The following H6PD variants were observed in gnomAD, a reference collection of about 807,000 sequenced individuals.
The protein encoded by H6PD is hexose-6-phosphate dehydrogenase/glucose 1-dehydrogenase, also known as GDH/6PGL endoplasmic bifunctional protein.
Under a neutral mutation model 61.2 loss-of-function variants are expected in H6PD, and 48 were observed. The ratio of observed to expected loss-of-function variants is 0.78; its 90% confidence interval spans 0.62 to 1.00. The LOEUF is 1.00. Ranked by LOEUF, H6PD falls within the 50% of genes least tolerant of loss-of-function variation. The pLI is 0.00. For missense variants in H6PD, 1,093 were observed against 1,065.0 expected, an observed-to-expected ratio of 1.03 and a Z score of -0.37; for synonymous variants, 480 against 457.9, an observed-to-expected ratio of 1.05 and a Z score of -0.62.
chr1:9,268,899 C>T lies in H6PD; in HGVS notation c.*4030C>T, dbSNP rs542800187. ...AGACGCTTCCCAAAAACCTGCAGGG[C>T]TATTTCCCAGAATTTGGTTTTCAAG... On this transcript the variant is annotated 3_prime_UTR_variant, in exon 5 of 5. Transcript: ENST00000377403. 3.3e-5 allele frequency: 5 copies of T among 152,342 alleles called. No individual in the cohort carries two copies. The East Asian group carries it at 9.6e-4, about 29-fold the overall frequency. The allele number at this position is 152,342 out of a possible 1,614,324, so 9.4% of individuals were successfully genotyped here.
Position 9,263,851 on chromosome 1 carries a change from G to A in H6PD, c.1358G>A (p.Arg453Gln), listed in dbSNP as rs6688832. The A allele has an allele frequency of 0.25, 409,625 of 1,613,468 alleles. 55,605 individuals carry two copies. The highest frequency in any genetic ancestry group is 0.47 in the East Asian group (20,977 of 44,854). Reference protein sequence around the residue: ...LSDYYAYSPVRERDAHSVLLS... With the variant: ...LSDYYAYSPVQERDAHSVLLS... The stretch of plus-strand genomic sequence containing the variant: ...GATTACTACGCCTACAGCCCTGTGC[G>A]GGAGCGGGACGCCCACTCCGTCCTC... The change falls in exon 5 of 5, where the codon CGG becomes CAG. Residue 453 changes from arginine to glutamine, a missense_variant. Transcript: ENST00000377403.
At position 9,262,269 on chromosome 1, in the gene H6PD, A is replaced by G. The variant is rs1362656735; in HGVS notation, c.956A>G (p.Gln319Arg). 2.5e-6 allele frequency: 4 copies of G among 1,610,988 alleles called. No homozygotes were observed. Among genetic ancestry groups the G allele is most frequent in the Middle Eastern group, 1.7e-4 (1 of 6,020 alleles). ...GGCCAGTACCAGTCTTACAGTGAGC[A>G]GGTGCGCAGAGAGCTGCAGAAGCCA... is the stretch of plus-strand genomic sequence containing the variant. ...VVGQYQSYSE[Q>R]VRRELQKPDS... is the part of the protein sequence containing the mutation. Residue 319 changes from glutamine (Q) to arginine (R), a missense_variant, in exon 4 of 5, where the codon CAG becomes CGG. Gln to Arg is a conservative substitution (Grantham distance 43). Coordinates refer to ENST00000377403, the MANE Select transcript of H6PD (RefSeq NM_004285.4).
chr1:9,252,509 T>A (rs977151553), intron 3 of H6PD, among the ~76,000 whole-genome samples: 1 of 152,194 alleles, frequency 6.6e-6, no homozygotes, highest in African/African-American at 2.4e-5. Context: ...TAGCTGAGAC[T>A]ACAGGAGTGC....
intron 4 of H6PD, among the ~76,000 whole-genome samples, 188 bp from the exon 5 acceptor site, chr1:9,263,321 C>T (rs989665459): frequency 1.3e-5 from 2 of 152,200 alleles, no homozygotes; most frequent in East Asian, 3.9e-4. Context: ...CCCCAGAGGC[C>T]GGTTTTCAAG....
Position 9,245,280 on chromosome 1 carries a change from G to T in H6PD, c.346G>T (p.Asp116Tyr), listed in dbSNP as rs1346484610. ...GTACCGCCAACTGAAGACGGCCGAG[G>T]ACTATCAGGCCCTGAACAAGGACAT... ...SQYRQLKTAEDYQALNKDIEA... is the reference protein window; with the variant it reads ...SQYRQLKTAEYYQALNKDIEA... The change falls in exon 2 of 5, where the codon GAC becomes TAC. Residue 116 changes from aspartate (D) to tyrosine (Y), a missense_variant. Physicochemically the swap from Asp to Tyr is radical, Grantham distance 160 (BLOSUM62 -3). Transcript: ENST00000377403. The surrounding 1 kb of genome is among the most constrained non-coding windows in gnomAD (Gnocchi z 4.8). 6.2e-7 allele frequency: 1 copy of T among 1,614,226 alleles called. No homozygotes were observed. The highest frequency in any genetic ancestry group is 1.7e-5 in the Admixed American group (1 of 60,034).
intron 1 of H6PD, among the ~76,000 whole-genome samples, chr1:9,235,438 C>T (rs1256689552): frequency 1.3e-5 from 2 of 152,080 alleles, no homozygotes; most frequent in South Asian, 2.1e-4. Flanking sequence ...AATCAGCTCA[C>T]CCAACCTTGA....
chr1:9,240,191 G>A (rs760625005), intron 1 of H6PD, among the ~76,000 whole-genome samples: 2 of 152,068 alleles, frequency 1.3e-5, no homozygotes, highest in Non-Finnish European at 2.9e-5. Flanking sequence ...ATTTTGTTTC[G>A]TAGTGAGTGT....
intron 3 of H6PD, among the ~76,000 whole-genome samples, chr1:9,250,481 C>T (rs1641326979): frequency 6.6e-6 from 1 of 150,422 alleles, no homozygotes; most frequent in East Asian, 2.0e-4. Context: ...GGCCATTCTC[C>T]CCCACTCCCC....
intron 3 of H6PD, among the ~76,000 whole-genome samples, 163 bp downstream of exon 3, chr1:9,247,246 G>T (rs1052603315): frequency 0.019 from 1 of 54 alleles, no homozygotes; most frequent in Admixed American, 0.5. Flanking sequence ...CCAGGGTGCC[G>T]GCTGCAAAGC....
chr1:9,251,436 CTGTTGTTGTTGTTGTTGTTGT>C (rs58988268), intron 3 of H6PD, among the ~76,000 whole-genome samples: 2 of 151,136 alleles, frequency 1.3e-5, no homozygotes, highest in Non-Finnish European at 3.0e-5. Context: ...AGAAGGCCTG[CTGTTGTTGTTGTTGTTGTTGT>C]TGTTGTTGTT....
chr1:9,234,850 C>G lies in H6PD; in HGVS notation c.-227C>G, dbSNP rs988427310. The stretch of plus-strand genomic sequence containing the variant: ...GGGTGGCGGCCGGGCTGGCCTTGGC[C>G]TCGCGCCTTCCCCTGCGGCCGCCGC... On this transcript the variant is annotated 5_prime_UTR_variant, in exon 1 of 5. Coordinates refer to ENST00000377403, the MANE Select transcript of H6PD (RefSeq NM_004285.4). 2.7e-3 allele frequency: 403 copies of G among 147,948 alleles called. 1 individual carries two copies. Among genetic ancestry groups the G allele is most frequent in the Non-Finnish European group, 4.2e-3 (278 of 66,418 alleles). 9.2% of individuals were successfully genotyped at this position (147,948 alleles called of 1,614,324 possible).
chr1:9,247,103 C>T lies in H6PD; in HGVS notation c.745+20C>T. 6.8e-7 allele frequency: 1 copy of T among 1,474,990 alleles called. No homozygotes were observed. The highest frequency in any genetic ancestry group is 9.5e-7 in the Non-Finnish European group (1 of 1,052,572). The allele number at this position is 1,474,990 out of a possible 1,614,324, so 91.4% of individuals were successfully genotyped here. The stretch of plus-strand genomic sequence containing the variant: ...CTGAAGGTGTGTGAGTGGCCCTGCG[C>T]ACTCGGTCCCCCAGCCTCTGCCTGC... On this transcript the variant is annotated intron_variant, in intron 3 of 4. Transcript: ENST00000377403.
At position 9,261,338 on chromosome 1, in the gene H6PD, A is replaced by T. The variant is rs78937488; in HGVS notation, c.746-721A>T. Among the ~76,000 whole-genome samples, 409 of 151,326 alleles carry T rather than the reference A, an allele frequency of 2.7e-3. 4 individuals are homozygous for T. The highest frequency in any genetic ancestry group is 9.3e-3 in the African/African-American group (384 of 41,154). On this transcript the variant is annotated intron_variant, in intron 3 of 4. Transcript: ENST00000377403. ...ACCTCCATCTGGCCCCCAGCACACC[A>T]AGTTCCTTCCTGCCTCGGGGCTTTG...
At position 9,264,257 on chromosome 1, in the gene H6PD, A is replaced by C. The variant is rs549607178; in HGVS notation, c.1764A>C (p.Ala588=). The stretch of plus-strand genomic sequence containing the variant: ...GGCGCTTTGGCCAGTTCCACCTGGC[A>C]CTGTCGGGGGGCTCGAGCCCCGTGG... ...AVRRFGQFHL[A]LSGGSSPVAL... is the part of the protein sequence containing the mutation. The change falls in exon 5 of 5, where the codon GCA becomes GCC. Residue 588 remains alanine (A), a synonymous_variant. Transcript: ENST00000377403. The C allele has an allele frequency of 1.8e-5, 29 of 1,610,016 alleles. No homozygotes were observed. The highest frequency in any genetic ancestry group is 2.3e-5 in the Non-Finnish European group (27 of 1,179,198).
intron 1 of H6PD, among the ~76,000 whole-genome samples, chr1:9,240,513 A>G (rs1286528113): frequency 6.6e-6 from 1 of 152,174 alleles, no homozygotes; most frequent in Non-Finnish European, 1.5e-5. Context: ...TTCCTCGATG[A>G]GGAAACTGAG....
At chr1:9,248,911 C>A (rs1343789576) in intron 3 of H6PD, among the ~76,000 whole-genome samples, 1 of 152,220 alleles carries the variant, frequency 6.6e-6, no homozygotes, top group African/African-American at 2.4e-5. Context: ...GGGTTGCCCC[C>A]CGTGCCTGTC....
Position 9,269,515 on chromosome 1 carries a change from A to G in H6PD, c.*4646A>G, listed in dbSNP as rs765709169. On this transcript the variant is annotated 3_prime_UTR_variant, in exon 5 of 5. Coordinates refer to ENST00000377403, the MANE Select transcript of H6PD (RefSeq NM_004285.4). The surrounding 1 kb of genome is among the most constrained non-coding windows in gnomAD (Gnocchi z 4.3). ...GGGAGCTGCCTCTTTGGAAGTGCAG[A>G]TTTATTCCTGTAATAATCCTGCCTG... is the stretch of plus-strand genomic sequence containing the variant. 3 of 152,190 alleles carry G rather than the reference A, an allele frequency of 2.0e-5. No homozygotes were observed. The highest frequency in any genetic ancestry group is 4.4e-5 in the Non-Finnish European group (3 of 68,042). The allele number at this position is 152,190 out of a possible 1,614,324, so 9.4% of individuals were successfully genotyped here.
chr1:9,240,919 C>T (rs988538844), intron 1 of H6PD, among the ~76,000 whole-genome samples: 6 of 152,132 alleles, frequency 3.9e-5, no homozygotes, highest in South Asian at 2.1e-4. Context: ...GCCTCTGCTC[C>T]AGAGGCTGGG....
chr1:9,241,466 C>T (rs904203451), intron 1 of H6PD, among the ~76,000 whole-genome samples: 5 of 152,060 alleles, frequency 3.3e-5, no homozygotes, highest in African/African-American at 7.2e-5. Context: ...TGCAGTGGTG[C>T]GATCATGGCT....
Sources: allele counts gnomAD v4.1 joint callset (sites outside exome capture counted in the v4.1 genomes callset), GRCh38; gene constraint gnomAD v4.1.1; non-coding constraint Gnocchi (gnomAD v3.1); transcripts MANE v1.5; gene names NCBI Gene and HGNC (gene_info 2026-07-23, HGNC 2026-07-21).